Variants in KCNIP4 observed in about 807,000 individuals in gnomAD.
The protein encoded by KCNIP4 is Kv channel-interacting protein 4.
KCNIP4 carries 12 observed loss-of-function variants against 34.0 expected under a neutral mutation model. The ratio of observed to expected loss-of-function variants is 0.35; its 90% CI spans 0.23 to 0.57. The LOEUF is 0.57. Ranked by LOEUF, KCNIP4 falls within the 20% of genes least tolerant of loss-of-function variation. The probability of loss-of-function intolerance (pLI) is 0.83; values close to 1 mark genes in which losing one functional copy is unlikely to be tolerated. For synonymous variants in KCNIP4, 124 were observed against 102.2 expected (o/e 1.21, Z -1.29); for missense variants, 238 against 311.7 (o/e 0.76, Z 1.78).
chr4:20,771,709 G>A (rs867503415), intron 3 of KCNIP4, among the ~76,000 whole-genome samples: 3 of 151,398 alleles, frequency 2.0e-5, no homozygotes, highest in Non-Finnish European at 2.9e-5. Context: ...TCGCTCTGCC[G>A]CCCAGGCTGG....
At position 21,813,171 on chromosome 4, in the gene KCNIP4, T is replaced by G. The variant is rs187690653; in HGVS notation, c.61+135400A>C. Among the ~76,000 whole-genome samples the G allele has an allele frequency of 1.5e-3, 221 of 152,324 alleles. 1 individual carries two copies. Among genetic ancestry groups the G allele is most frequent in the African/African-American group, 5.0e-3 (207 of 41,582 alleles). ...ATAAGTCCCTTTCATTTATTTCTAC[T>G]TTCCCTTTTTAGAACAATTCATATC... On this transcript the variant is annotated intron_variant, in intron 1 of 8. Coordinates refer to ENST00000382152, the MANE Select transcript of KCNIP4 (RefSeq NM_025221.6).
At chr4:20,742,814 C>A (rs925541406) in intron 5 of KCNIP4, among the ~76,000 whole-genome samples, 1 of 152,086 alleles carries the variant, frequency 6.6e-6, no homozygotes, top group Non-Finnish European at 1.5e-5. Flanking sequence ...ATTTAGAAAA[C>A]CCTGTCGTCT....
chr4:21,002,099 A>C (rs1050181182), intron 1 of KCNIP4, among the ~76,000 whole-genome samples: 9 of 152,236 alleles, frequency 5.9e-5, no homozygotes, highest in African/African-American at 2.2e-4. Flanking sequence ...AGAGGAGATA[A>C]ATAGGCAGCA....
chr4:21,017,458 T>C (rs1739647534), intron 1 of KCNIP4, among the ~76,000 whole-genome samples: 1 of 152,202 alleles, frequency 6.6e-6, no homozygotes. Flanking sequence ...TTTCTGTTCC[T>C]CTGTTAGTTT....
At chr4:20,882,482 T>C (rs1050252922) in intron 2 of KCNIP4, 126 bp downstream of exon 2, 15 of 681,960 alleles carry the variant, frequency 2.2e-5, no homozygotes, top group South Asian at 2.0e-4. Context: ...TAGGTAAACA[T>C]GAGTACATCA....
chr4:21,826,706 C>T (rs1193381050), intron 1 of KCNIP4, among the ~76,000 whole-genome samples: 1 of 151,912 alleles, frequency 6.6e-6, no homozygotes, highest in Non-Finnish European at 1.5e-5. Context: ...TCTCCTAAAA[C>T]CCAAATAATA....
At chr4:20,831,739 T>C (rs1718449719) in intron 3 of KCNIP4, among the ~76,000 whole-genome samples, 2 of 152,224 alleles carry the variant, frequency 1.3e-5, no homozygotes, top group Non-Finnish European at 2.9e-5. Flanking sequence ...TATGGGGTTT[T>C]ATATGGAGTC....
intron 1 of KCNIP4, among the ~76,000 whole-genome samples, chr4:21,659,346 T>A (rs141060080): frequency 6.6e-6 from 1 of 152,312 alleles, no homozygotes; most frequent in East Asian, 1.9e-4. Context: ...GAATCTCTCA[T>A]CTCTTTATTC....
intron 1 of KCNIP4, among the ~76,000 whole-genome samples, chr4:21,286,395 T>A (rs1405976531): frequency 6.6e-6 from 1 of 152,132 alleles, no homozygotes; most frequent in East Asian, 1.9e-4. Context: ...CTCTAACTGG[T>A]CACATATTTA....
At chr4:21,521,231 C>A (rs1160231059) in intron 1 of KCNIP4, among the ~76,000 whole-genome samples, 1 of 152,144 alleles carries the variant, frequency 6.6e-6, no homozygotes, top group Non-Finnish European at 1.5e-5. Context: ...ATTAATAACA[C>A]ACACTAAGAA....
intron 1 of KCNIP4, among the ~76,000 whole-genome samples, chr4:21,821,822 C>A (rs1252059335): frequency 3.3e-5 from 5 of 151,820 alleles, no homozygotes; most frequent in African/African-American, 1.2e-4. Context: ...AATTTTATAC[C>A]CTATTCATTA....
intron 1 of KCNIP4, among the ~76,000 whole-genome samples, chr4:21,370,078 C>T (rs1042633610): frequency 1.4e-5 from 2 of 147,402 alleles, no homozygotes; most frequent in Non-Finnish European, 2.9e-5. Flanking sequence ...CCTCCCACCT[C>T]GGCCTCCCGA....
chr4:21,593,395 G>A (rs73254307), intron 1 of KCNIP4, among the ~76,000 whole-genome samples: 4,658 of 152,070 alleles, frequency 0.031, 76 homozygotes, highest in South Asian at 0.073. Context: ...TTTTGTGGTC[G>A]GAGTGCTCTG....
At chr4:21,722,606 T>C (rs929913242) in intron 1 of KCNIP4, among the ~76,000 whole-genome samples, 2 of 152,280 alleles carry the variant, frequency 1.3e-5, no homozygotes, top group South Asian at 2.1e-4. Flanking sequence ...GGGCAACCAC[T>C]AGAATTTTCA....
At chr4:20,760,424 C>T (rs1014664300) in intron 3 of KCNIP4, among the ~76,000 whole-genome samples, 7 of 152,130 alleles carry the variant, frequency 4.6e-5, no homozygotes, top group African/African-American at 1.7e-4. Context: ...ATCATTGTTC[C>T]CTCACTAATA....
At chr4:20,803,012 A>T (rs1156502147) in intron 3 of KCNIP4, among the ~76,000 whole-genome samples, 1 of 149,048 alleles carries the variant, frequency 6.7e-6, no homozygotes, top group African/African-American at 2.5e-5. Flanking sequence ...GAGGCGTAGC[A>T]TGCAGTGAGC....
chr4:20,799,772 T>C (rs1383130315), intron 3 of KCNIP4, among the ~76,000 whole-genome samples: 2 of 152,218 alleles, frequency 1.3e-5, no homozygotes, highest in Non-Finnish European at 2.9e-5. Context: ...GCTGCTTCTA[T>C]GTCCTGTTGG....
At chr4:21,301,252 T>C (rs1427350781) in intron 1 of KCNIP4, among the ~76,000 whole-genome samples, 3 of 152,186 alleles carry the variant, frequency 2.0e-5, no homozygotes, top group Non-Finnish European at 4.4e-5. Context: ...ACATGTATTC[T>C]ACACATAGAT....
intron 1 of KCNIP4, among the ~76,000 whole-genome samples, chr4:21,702,751 G>A (rs1383935347): frequency 6.6e-6 from 1 of 151,986 alleles, no homozygotes; most frequent in Admixed American, 6.6e-5. Flanking sequence ...TTCATTTTAT[G>A]AGTACAGTAT....
Sources: allele counts gnomAD v4.1 joint callset (sites outside exome capture counted in the v4.1 genomes callset), GRCh38; gene constraint gnomAD v4.1.1; transcripts MANE v1.5; gene names NCBI Gene and HGNC (gene_info 2026-07-23, HGNC 2026-07-21).